The following ATP8B4 variants were observed in gnomAD, a reference collection of about 807,000 sequenced individuals.
ATP8B4 encodes probable phospholipid-transporting ATPase IM.
A neutral mutation model predicts 145.6 loss-of-function variants in ATP8B4; 133 were observed. That is an observed-to-expected ratio of 0.91 (90% CI 0.79 to 1.05). ATP8B4 has a LOEUF of 1.05. Among genes scored for constraint, ATP8B4 ranks in the 50% least tolerant of loss-of-function variants. The pLI is 0.00. For missense variants in ATP8B4, 1,458 were observed against 1,425.2 expected (o/e 1.02, Z -0.37); for synonymous variants, 507 against 492.9 (o/e 1.03, Z -0.38).
chr15:49,864,410 C>T (rs2032415873), intron 26 of ATP8B4, among the ~76,000 whole-genome samples: 1 of 152,182 alleles, frequency 6.6e-6, no homozygotes, highest in Non-Finnish European at 1.5e-5. Flanking sequence ...AAATCTCACT[C>T]TTGCCTGATT....
At position 49,985,426 on chromosome 15, in the gene ATP8B4, T is replaced by C. The variant is rs560912383; in HGVS notation, c.748+1965A>G. ...TTTTCATTAGACCTAGGTGTTCACC[T>C]GGAACTAGTTCCCCAACTAAATGTC... On this transcript the variant is annotated intron_variant, in intron 10 of 27. Coordinates refer to ENST00000284509, the MANE Select transcript of ATP8B4 (RefSeq NM_024837.4). Among the ~76,000 whole-genome samples, 12 of 152,330 alleles carry C rather than the reference T, an allele frequency of 7.9e-5. No homozygotes were observed. The East Asian group carries it at 2.3e-3, about 29-fold the overall frequency.
At chr15:50,020,502 C>T (rs953452983) in intron 6 of ATP8B4, among the ~76,000 whole-genome samples, 7 of 150,908 alleles carry the variant, frequency 4.6e-5, no homozygotes, top group African/African-American at 1.7e-4. Flanking sequence ...AAACTCCTGA[C>T]CTCAGGTGAT....
intron 25 of ATP8B4, among the ~76,000 whole-genome samples, chr15:49,873,424 T>C (rs2033937737): frequency 6.6e-6 from 1 of 152,202 alleles, no homozygotes; most frequent in Admixed American, 6.5e-5. Context: ...GGCATATTCA[T>C]ACGGTGGAAT....
chr15:50,044,501 T>G, intron 5 of ATP8B4, 93 bp downstream of exon 5: 1 of 856,244 alleles, frequency 1.2e-6, no homozygotes, highest in Non-Finnish European at 1.8e-6. Flanking sequence ...CAAAATAACT[T>G]CATTCAAAAT....
At chr15:49,924,413 C>T (rs566151918) in intron 16 of ATP8B4, among the ~76,000 whole-genome samples, 2 of 152,262 alleles carry the variant, frequency 1.3e-5, no homozygotes, top group South Asian at 4.1e-4. Context: ...TCTGAATACT[C>T]TTGCCCTCAT....
intron 14 of ATP8B4, among the ~76,000 whole-genome samples, chr15:49,950,286 T>C (rs1048816235): frequency 6.6e-6 from 1 of 152,096 alleles, no homozygotes; most frequent in Non-Finnish European, 1.5e-5. Context: ...ATCTGTCTGG[T>C]CCTGGGCTTT....
chr15:50,028,785 A>G (rs1346324023), intron 6 of ATP8B4, among the ~76,000 whole-genome samples: 1 of 152,168 alleles, frequency 6.6e-6, no homozygotes, highest in African/African-American at 2.4e-5. Flanking sequence ...TAGGCAGAGA[A>G]TAAGTGTCTA....
At chr15:50,166,315 T>G (rs966459680) in intron 1 of ATP8B4, among the ~76,000 whole-genome samples, 1 of 152,188 alleles carries the variant, frequency 6.6e-6, no homozygotes, top group East Asian at 1.9e-4. Context: ...AGACAAAAAT[T>G]TGAATCTCCA....
intron 1 of ATP8B4, among the ~76,000 whole-genome samples, chr15:50,172,668 TC>T (rs2044696076): frequency 6.7e-6 from 1 of 149,258 alleles, no homozygotes; most frequent in South Asian, 2.2e-4. Context: ...GAGCTCCTCT[TC>T]CCGGCCGTCA....
At chr15:50,009,677 C>G (rs1003039157) in intron 7 of ATP8B4, 1 of 454,476 alleles carries the variant, frequency 2.2e-6, no homozygotes, top group Non-Finnish European at 4.4e-6. Context: ...CTTTAATGAG[C>G]TGAAAAATAA....
intron 2 of ATP8B4, among the ~76,000 whole-genome samples, chr15:50,085,785 T>C (rs1343089733): frequency 6.9e-6 from 1 of 145,210 alleles, no homozygotes; most frequent in African/African-American, 2.6e-5. Flanking sequence ...TGTATCTATA[T>C]GTAAAACATT....
chr15:50,065,031 A>C (rs568244052), intron 3 of ATP8B4, among the ~76,000 whole-genome samples: 1 of 152,314 alleles, frequency 6.6e-6, no homozygotes, highest in South Asian at 2.1e-4. Flanking sequence ...ACAATTCGAC[A>C]TGAGATTTGG....
At chr15:50,039,547 T>C (rs556038661) in intron 5 of ATP8B4, among the ~76,000 whole-genome samples, 2 of 152,224 alleles carry the variant, frequency 1.3e-5, no homozygotes, top group South Asian at 4.2e-4. Flanking sequence ...GATCAGATAG[T>C]AGTAGTAGGC....
intron 2 of ATP8B4, among the ~76,000 whole-genome samples, chr15:50,106,481 CTG>C (rs1402570890): frequency 4.9e-4 from 75 of 152,212 alleles, no homozygotes. Context: ...TATACGAACT[CTG>C]TTTTAAATGT....
At position 50,074,116 on chromosome 15, in the gene ATP8B4, G is replaced by A. The variant is rs1169392548; in HGVS notation, c.87+11C>T. The A allele has an allele frequency of 1.2e-6, 2 of 1,608,638 alleles. No homozygotes were observed. The highest frequency in any genetic ancestry group is 1.7e-6 in the Non-Finnish European group (2 of 1,175,492). On this transcript the variant is annotated intron_variant, in intron 3 of 27. Coordinates refer to ENST00000284509, the MANE Select transcript of ATP8B4 (RefSeq NM_024837.4). Reference sequence around the variant, plus strand: ...ATCCTAGTACGTATGTGTTATGTGTGTTTCACTTACCGCATACTGGAACTT... The same window carrying A: ...ATCCTAGTACGTATGTGTTATGTGTATTTCACTTACCGCATACTGGAACTT...
intron 2 of ATP8B4, among the ~76,000 whole-genome samples, chr15:50,106,475 C>T (rs556620284): frequency 1.4e-3 from 210 of 152,272 alleles, no homozygotes; most frequent in African/African-American, 4.8e-3. Flanking sequence ...TCTAACTATA[C>T]GAACTCTGTT....
At chr15:49,911,401 C>T (rs992811947) in intron 20 of ATP8B4, among the ~76,000 whole-genome samples, 2 of 151,656 alleles carry the variant, frequency 1.3e-5, no homozygotes, top group African/African-American at 2.4e-5. Context: ...ACACTTTAAG[C>T]CAAAAATAGT....
chr15:49,961,885 G>A, intron 14 of ATP8B4, 92 bp downstream of exon 14: 1 of 1,088,912 alleles, frequency 9.2e-7, no homozygotes, highest in Non-Finnish European at 1.3e-6. Context: ...TCTGGTCTTG[G>A]TGGAAATCAG....
chr15:50,066,230 C>T (rs1215854832), intron 3 of ATP8B4, among the ~76,000 whole-genome samples: 1 of 151,864 alleles, frequency 6.6e-6, no homozygotes, highest in African/African-American at 2.4e-5. Context: ...AAATTAAAAC[C>T]TTTGCCATGT....
Sources: allele counts gnomAD v4.1 joint callset (sites outside exome capture counted in the v4.1 genomes callset), GRCh38; gene constraint gnomAD v4.1.1; transcripts MANE v1.5; gene names NCBI Gene and HGNC (gene_info 2026-07-23, HGNC 2026-07-21).